PDE4B: variants seen among roughly 807,000 people sequenced by gnomAD.
PDE4B encodes the protein 3',5'-cyclic-AMP phosphodiesterase 4B.
PDE4B carries 20 observed loss-of-function variants against 82.2 expected under a neutral mutation model. The observed-to-expected ratio is 0.24, with a 90% CI of 0.17 to 0.35. PDE4B has a LOEUF of 0.35. Among genes scored for constraint, PDE4B ranks in the 10% least tolerant of loss-of-function variants. The pLI is 1.00. For missense variants in PDE4B, 655 were observed against 907.2 expected (o/e 0.72, Z 3.57); for synonymous variants, 320 against 318.9 (o/e 1.00, Z -0.04).
intron 3 of PDE4B, among the ~76,000 whole-genome samples, chr1:65,974,827 C>T (rs1382925354): frequency 2.0e-5 from 3 of 152,204 alleles, no homozygotes; most frequent in African/African-American, 7.2e-5. Flanking sequence ...GCCTCCTAGC[C>T]ATGCTTCCTG....
chr1:66,222,227 C>T (rs995678156), intron 3 of PDE4B, among the ~76,000 whole-genome samples: 2 of 152,210 alleles, frequency 1.3e-5, no homozygotes, highest in Non-Finnish European at 2.9e-5. Context: ...ACGTGGTCTT[C>T]CTAAAACATC....
chr1:65,968,283 A>T (rs1649954092), intron 3 of PDE4B, among the ~76,000 whole-genome samples: 1 of 152,178 alleles, frequency 6.6e-6, no homozygotes, highest in Non-Finnish European at 1.5e-5. Context: ...CTTTCAGATC[A>T]GAATACCTAA....
chr1:66,339,002 G>A (rs1169813718), intron 8 of PDE4B, among the ~76,000 whole-genome samples: 3 of 140,300 alleles, frequency 2.1e-5, no homozygotes, highest in East Asian at 2.1e-4. Flanking sequence ...CTGGGCGACA[G>A]AGCGAGACTC....
chr1:65,901,017 T>A (rs983566253), intron 1 of PDE4B, among the ~76,000 whole-genome samples: 12 of 152,236 alleles, frequency 7.9e-5, no homozygotes, highest in African/African-American at 2.9e-4. Context: ...AGAGTGGGAA[T>A]CCTTGTCTTG....
At chr1:66,171,724 G>C (rs1557608486) in intron 3 of PDE4B, among the ~76,000 whole-genome samples, 1 of 152,034 alleles carries the variant, frequency 6.6e-6, no homozygotes, top group Non-Finnish European at 1.5e-5. Flanking sequence ...GTGTAAATGA[G>C]TTTATAATGC....
intron 16 of PDE4B, among the ~76,000 whole-genome samples, chr1:66,370,988 C>G (rs1288171827): frequency 6.7e-6 from 1 of 148,558 alleles, no homozygotes; most frequent in South Asian, 2.1e-4. Context: ...CTTTTTAAGG[C>G]TAGGAAAGCA....
chr1:66,129,689 CAAAAAAACA>C lies in PDE4B; in HGVS notation c.282-117763_282-117755del, dbSNP rs1246381807. Among the ~76,000 whole-genome samples the C allele has an allele frequency of 9.2e-3, 787 of 85,428 alleles. 10 individuals are homozygous for C. Among genetic ancestry groups the C allele is most frequent in the East Asian group, 0.013 (52 of 3,880 alleles). The allele number at this position is 85,428 out of a possible 152,430, so 56.0% of individuals were successfully genotyped here. On this transcript the variant is annotated intron_variant, in intron 3 of 16. Transcript: ENST00000341517. ...AAAAAAAAACAAAAAAACAAAAAAA[CAAAAAAACA>C]AAAAAAAAAACCTCTCTGTAAAATG... is the stretch of plus-strand genomic sequence containing the variant.
At chr1:66,063,909 C>A (rs1407728262) in intron 3 of PDE4B, among the ~76,000 whole-genome samples, 1 of 151,896 alleles carries the variant, frequency 6.6e-6, no homozygotes, top group Non-Finnish European at 1.5e-5. Flanking sequence ...AGTATGTTTT[C>A]TCTGAGTCCT....
chr1:66,069,872 A>C (rs1019998137), intron 3 of PDE4B, among the ~76,000 whole-genome samples: 103 of 152,084 alleles, frequency 6.8e-4, no homozygotes, highest in African/African-American at 2.2e-3. Flanking sequence ...TCCTTAACTT[A>C]TATTTATGAT....
chr1:65,990,528 T>C (rs1436651009), intron 3 of PDE4B, among the ~76,000 whole-genome samples: 2 of 152,218 alleles, frequency 1.3e-5, no homozygotes, highest in Non-Finnish European at 2.9e-5. Context: ...AGCTTTGTTT[T>C]CATAATTCAG....
chr1:66,146,482 C>A (rs544967912), intron 3 of PDE4B, among the ~76,000 whole-genome samples: 1 of 152,084 alleles, frequency 6.6e-6, no homozygotes, highest in African/African-American at 2.4e-5. Context: ...CCGTGCCTGG[C>A]CTGGGCAGTG....
intron 3 of PDE4B, among the ~76,000 whole-genome samples, chr1:66,002,576 A>C (rs1396649373): frequency 6.6e-6 from 1 of 151,806 alleles, no homozygotes; most frequent in African/African-American, 2.4e-5. Flanking sequence ...AATCTATAAT[A>C]ATTTTATAAT....
intron 3 of PDE4B, among the ~76,000 whole-genome samples, chr1:66,064,873 A>C (rs1224569487): frequency 6.6e-6 from 1 of 152,092 alleles, no homozygotes; most frequent in African/African-American, 2.4e-5. Flanking sequence ...AAAAGAAAAA[A>C]AAGTTTCAGA....
chr1:66,118,956 G>A (rs1011630640), intron 3 of PDE4B, among the ~76,000 whole-genome samples: 4 of 151,950 alleles, frequency 2.6e-5, no homozygotes, highest in African/African-American at 9.7e-5. Flanking sequence ...CACAGGAACA[G>A]CTAATGTCAT....
At chr1:66,084,879 G>A (rs1448692633) in intron 3 of PDE4B, among the ~76,000 whole-genome samples, 1 of 152,144 alleles carries the variant, frequency 6.6e-6, no homozygotes, top group African/African-American at 2.4e-5. Flanking sequence ...CATAGTTCTT[G>A]TTTTGGTTGG....
intron 3 of PDE4B, chr1:65,992,631 GACAAA>G: frequency 1.3e-6 from 1 of 775,382 alleles, no homozygotes; most frequent in Non-Finnish European, 1.7e-6. Context: ...GTAGCTTGCA[GACAAA>G]CCTCATCCAC....
At chr1:65,983,827 T>C (rs1351118341) in intron 3 of PDE4B, among the ~76,000 whole-genome samples, 2 of 152,220 alleles carry the variant, frequency 1.3e-5, no homozygotes, top group Non-Finnish European at 1.5e-5. Context: ...TACTATTGTG[T>C]ATGTCAGAGG....
intron 3 of PDE4B, among the ~76,000 whole-genome samples, chr1:65,970,260 G>A (rs1650059944): frequency 6.7e-6 from 1 of 149,040 alleles, no homozygotes; most frequent in African/African-American, 2.5e-5. Flanking sequence ...TTTAAAGGTT[G>A]TACGGTTCTA....
At chr1:66,280,185 C>T (rs1052253446) in intron 7 of PDE4B, among the ~76,000 whole-genome samples, 1 of 152,242 alleles carries the variant, frequency 6.6e-6, no homozygotes, top group Non-Finnish European at 1.5e-5. Context: ...TTCATCCTAG[C>T]TCACAGAATT....
Sources: gnomAD v4.1 joint callset for allele counts (sites outside exome capture counted in the v4.1 genomes callset) on GRCh38, gnomAD v4.1.1 for gene constraint, MANE v1.5 for transcripts, NCBI Gene and HGNC (gene_info 2026-07-23, HGNC 2026-07-21) for gene names.